Variants in CENPE observed in about 807,000 individuals in gnomAD.
The protein encoded by CENPE is centromere protein E.
In CENPE, 145 loss-of-function variants were observed where a neutral mutation model predicts 336.1. The ratio of observed to expected loss-of-function variants is 0.43; its 90% confidence interval spans 0.38 to 0.50. CENPE has a LOEUF of 0.50. Ranked by LOEUF, CENPE falls within the 20% of genes least tolerant of loss-of-function variation. CENPE has a pLI of 0.00. For missense variants in CENPE, 2,719 were observed against 3,023.3 expected, an observed-to-expected ratio of 0.90 and a Z score of 2.36; for synonymous variants, 1,013 against 984.8, an observed-to-expected ratio of 1.03 and a Z score of -0.54.
In CENPE at chr4:103,196,796, G is replaced by T; in HGVS notation, c.111C>A (p.Val37=). ...AQVYWKTDNN[V]IYQVDGSKSF... is the part of the protein sequence containing the mutation. ...ATTTACTTCCATCAACTTGATAAATGACATTATTGTCAGTTTTCCAGTAAA... is the reference window on the plus strand; with the variant it reads ...ATTTACTTCCATCAACTTGATAAATTACATTATTGTCAGTTTTCCAGTAAA... The change falls in exon 2 of 49, where the codon GTC becomes GTA. Residue 37 remains valine, a synonymous_variant. Transcript: ENST00000265148. 1 of 1,598,372 alleles carries T rather than the reference G, an allele frequency of 6.3e-7. No homozygotes were observed. The highest frequency in any genetic ancestry group is 1.1e-5 in the South Asian group (1 of 89,738).
chr4:103,106,341 T>C, intron 48 of CENPE, 25 bp from the exon 49 acceptor site: 1 of 1,542,200 alleles, frequency 6.5e-7, no homozygotes, highest in Non-Finnish European at 8.9e-7. Flanking sequence ...GAAAACAACA[T>C]TCATCCTATT....
At chr4:103,191,620 G>A (rs1046774776) in intron 8 of CENPE, among the ~76,000 whole-genome samples, 1 of 147,466 alleles carries the variant, frequency 6.8e-6, no homozygotes, top group African/African-American at 2.5e-5. Flanking sequence ...GACACAGGAA[G>A]GGGAACATCA....
At chr4:103,143,116 G>A (rs1002059561) in intron 34 of CENPE, 132 bp downstream of exon 34, 47 of 505,642 alleles carry the variant, frequency 9.3e-5, no homozygotes, top group Non-Finnish European at 1.4e-4. Context: ...AAAGATCAAT[G>A]ATAGTTTCTA....
In CENPE at chr4:103,160,551, A is replaced by G. The variant is rs11725048; in HGVS notation, c.2286+74T>C. ...CTGCTAGTTTAAAATAAACTATACC[A>G]AAATATTTAAGGCACTATTATCGCA... On this transcript the variant is annotated intron_variant, in intron 21 of 48. Transcript: ENST00000265148. 0.18 allele frequency: 228,425 copies of G among 1,291,730 alleles called. 21,149 individuals carry two copies. Among genetic ancestry groups the G allele is most frequent in the South Asian group, 0.29 (20,004 of 68,446 alleles). 80.0% of individuals were successfully genotyped at this position (1,291,730 alleles called of 1,614,324 possible). A position where few individuals can be genotyped will look rare whatever the true frequency, so the allele number is the denominator to read the frequency against.
chr4:103,195,834 T>A (rs946919621), intron 4 of CENPE, 86 bp downstream of exon 4: 12 of 826,768 alleles, frequency 1.5e-5, no homozygotes, highest in South Asian at 2.8e-5. Context: ...CTTCCTTTCA[T>A]CTTTACAAGA....
At chr4:103,146,252 T>C (rs1753047543) in intron 29 of CENPE, 145 bp from the exon 30 acceptor site, 3 of 736,684 alleles carry the variant, frequency 4.1e-6, no homozygotes, top group South Asian at 4.1e-5. Context: ...CACTCTTCCA[T>C]TATTCAGGCA....
chr4:103,121,623 A>G (rs1750630218), intron 43 of CENPE, among the ~76,000 whole-genome samples: 1 of 147,032 alleles, frequency 6.8e-6, no homozygotes, highest in African/African-American at 2.5e-5. Flanking sequence ...ATCATGGCTC[A>G]CTGCAGTATC....
At chr4:103,166,165 T>C (rs1165123467) in intron 16 of CENPE, among the ~76,000 whole-genome samples, 2 of 152,098 alleles carry the variant, frequency 1.3e-5, no homozygotes, top group African/African-American at 4.8e-5. Context: ...ATACAAAAAT[T>C]AGATGAAATT....
At position 103,108,881 on chromosome 4, in the gene CENPE, A is replaced by G. The variant is rs1486355953; in HGVS notation, c.7933T>C (p.Phe2645Leu). 1 of 1,613,972 alleles carries G rather than the reference A, an allele frequency of 6.2e-7. No homozygotes were observed. Among genetic ancestry groups the G allele is most frequent in the South Asian group, 1.1e-5 (1 of 91,076 alleles). The stretch of plus-strand genomic sequence containing the variant: ...GGTAAAGACTTTGATCGGCTATCAA[A>G]AAAACAAGATTTTGGTGATTCCTTT... ...VPKESPKSCF[F>L]DSRSKSLPSP... Residue 2645 changes from phenylalanine to leucine, a missense_variant, in exon 48 of 49, where the codon TTT becomes CTT. Around this residue, in one of 5 missense-constraint regions of CENPE, gnomAD observed 2,437 missense variants for 2,513.3 expected, o/e 0.97. Transcript: ENST00000265148.
intron 43 of CENPE, 38 bp from the exon 44 acceptor site, chr4:103,120,371 A>G: frequency 6.6e-7 from 1 of 1,511,230 alleles, no homozygotes; most frequent in Non-Finnish European, 9.0e-7. Context: ...CTCTATCATC[A>G]AGACAGAATC....
chr4:103,158,996 C>T lies in CENPE; in HGVS notation c.2601+14G>A. On this transcript the variant is annotated intron_variant, in intron 22 of 48. Coordinates refer to ENST00000265148, the MANE Select transcript of CENPE (RefSeq NM_001813.3). Reference sequence around the variant, plus strand: ...GACTAAGGAGCATTTCTCAAAATAGCATCTTGTACCAACCTCGGTCTTCAA... The same window carrying T: ...GACTAAGGAGCATTTCTCAAAATAGTATCTTGTACCAACCTCGGTCTTCAA... 1 of 1,530,328 alleles carries T rather than the reference C, an allele frequency of 6.5e-7. No individual in the cohort carries two copies. The highest frequency in any genetic ancestry group is 8.7e-7 in the Non-Finnish European group (1 of 1,145,756). The allele number at this position is 1,530,328 out of a possible 1,614,324, so 94.8% of individuals were successfully genotyped here. A position where few individuals can be genotyped will look rare whatever the true frequency, so the allele number is the denominator to read the frequency against.
Position 103,144,311 on chromosome 4 carries a change from G to A in CENPE, c.5145+20C>T, listed in dbSNP as rs577013426. 30 of 1,569,506 alleles carry A rather than the reference G, an allele frequency of 1.9e-5. No homozygotes were observed. In the East Asian group the frequency reaches 5.6e-4, roughly 29 times the overall value. On this transcript the variant is annotated intron_variant, in intron 33 of 48. Coordinates refer to ENST00000265148, the MANE Select transcript of CENPE (RefSeq NM_001813.3). ...ACTCAATGTCATAGTTACTAGAGGTGTAGAGAGATGGTAACTCACTCTAGT... is the reference window on the plus strand; with the variant it reads ...ACTCAATGTCATAGTTACTAGAGGTATAGAGAGATGGTAACTCACTCTAGT...
intron 38 of CENPE, 124 bp from the exon 39 acceptor site, chr4:103,138,573 TC>T: frequency 1.5e-6 from 1 of 675,254 alleles, no homozygotes; most frequent in South Asian, 1.8e-5. Flanking sequence ...TACTTGTCAC[TC>T]AAAAGCAATG....
rs568089231 is a variant in CENPE, at chr4:103,194,739, T to C, written c.478-55A>G. 4.3e-6 allele frequency: 6 copies of C among 1,394,884 alleles called. No homozygotes were observed. The East Asian group carries it at 1.4e-4, about 32-fold the overall frequency. The allele number at this position is 1,394,884 out of a possible 1,614,324, so 86.4% of individuals were successfully genotyped here. ...GAGAAATAGAAGTCACAAGTTTGCTTTTCAAAAGAAGGTGCAAACTATTAT... is the reference window on the plus strand; with the variant it reads ...GAGAAATAGAAGTCACAAGTTTGCTCTTCAAAAGAAGGTGCAAACTATTAT... On this transcript the variant is annotated intron_variant, in intron 5 of 48. Transcript: ENST00000265148.
rs753416066 is a variant in CENPE at position 103,145,779 on chromosome 4, T to C, written c.4413+50A>G. ...TCCAAATATTTAGGGTTTATAATAA[T>C]ATTTGGTTACAAAATATTTTTTAAA... On this transcript the variant is annotated intron_variant, in intron 30 of 48. Transcript: ENST00000265148. 35 of 1,541,218 alleles carry C rather than the reference T, an allele frequency of 2.3e-5. No individual in the cohort carries two copies. In the South Asian group the frequency reaches 2.9e-4, roughly 13 times the overall value.
In CENPE at chr4:103,108,980, T is replaced by C; in HGVS notation, c.7834A>G (p.Thr2612Ala). Residue 2612 changes from threonine (T) to alanine (A), a missense_variant, in exon 48 of 49, where the codon ACT becomes GCT. Thr to Ala is a moderately conservative substitution (Grantham distance 58). Around this residue, in one of 5 missense-constraint regions of CENPE, gnomAD observed 2,437 missense variants for 2,513.3 expected, o/e 0.97. Transcript: ENST00000265148. ...TGTTTCTTTTTAGAAGCTGTTCCAG[T>C]CACTTTAGGAGACTTTGGAGAATTC... ...CENSPKSPKV[T>A]GTASKKKQIT... 1 of 1,613,844 alleles carries C rather than the reference T, an allele frequency of 6.2e-7. No homozygotes were observed. Among genetic ancestry groups the C allele is most frequent in the South Asian group, 1.1e-5 (1 of 91,072 alleles).
At chr4:103,159,351 A>T (rs1362712097) in intron 21 of CENPE, 27 bp from the exon 22 acceptor site, 2 of 1,278,178 alleles carry the variant, frequency 1.6e-6, no homozygotes, top group Non-Finnish European at 2.1e-6. Flanking sequence ...AAATTTAGGG[A>T]TGTTAGCAAC....
At chr4:103,184,438 C>T (rs1433832920) in intron 9 of CENPE, among the ~76,000 whole-genome samples, 1 of 152,170 alleles carries the variant, frequency 6.6e-6, no homozygotes, top group Non-Finnish European at 1.5e-5. Context: ...GTATCAGTTA[C>T]AAAAGGGTTT....
rs142267862 is a variant in CENPE at position 103,125,560 on chromosome 4, G to C, written c.6925-2471C>G. 6.0e-3 allele frequency among the ~76,000 whole-genome samples: 916 copies of C among 152,130 alleles called. 10 individuals are homozygous for C. Among genetic ancestry groups the C allele is most frequent in the African/African-American group, 0.021 (890 of 41,532 alleles). ...TTGGAATTTCTAGTTTAGCATTTTA[G>C]GTGTTTAGAAGTTGCCAGTCCAGGA... is the stretch of plus-strand genomic sequence containing the variant. On this transcript the variant is annotated intron_variant, in intron 42 of 48. Transcript: ENST00000265148.
Sources: gnomAD v4.1 joint callset for allele counts (sites outside exome capture counted in the v4.1 genomes callset) on GRCh38, gnomAD v4.1.1 for gene constraint, gnomAD v4.1.1 regional missense constraint, MANE v1.5 for transcripts, NCBI Gene and HGNC (gene_info 2026-07-23, HGNC 2026-07-21) for gene names.